The following FSTL4 variants were observed in gnomAD, a reference collection of about 807,000 sequenced individuals.
FSTL4 encodes the protein follistatin-related protein 4.
In FSTL4, 28 loss-of-function variants were observed where a neutral mutation model predicts 78.2. The ratio of observed to expected loss-of-function variants is 0.36; its 90% CI spans 0.27 to 0.49. The LOEUF (loss-of-function observed/expected upper bound fraction) is 0.49. FSTL4 is among the 20% of genes least tolerant of loss of function. The probability of loss-of-function intolerance (pLI) is 0.98; values close to 1 mark genes in which losing one functional copy is unlikely to be tolerated. For synonymous variants in FSTL4, 422 were observed against 440.5 expected (o/e 0.96, Z 0.53); for missense variants, 922 against 1,084.9 (o/e 0.85, Z 2.11).
chr5:133,237,095 T>G (rs1751684930), intron 7 of FSTL4, among the ~76,000 whole-genome samples: 1 of 152,148 alleles, frequency 6.6e-6, no homozygotes, highest in Non-Finnish European at 1.5e-5. Context: ...TGCCTTCCTG[T>G]CCACTCAAAT....
intron 3 of FSTL4, among the ~76,000 whole-genome samples, chr5:133,500,451 C>A (rs1171412223): frequency 6.6e-6 from 1 of 152,156 alleles, no homozygotes; most frequent in African/African-American, 2.4e-5. Context: ...GCCTCATCAT[C>A]CTTTCTTCAC....
At chr5:133,529,324 T>A (rs529268021) in intron 3 of FSTL4, among the ~76,000 whole-genome samples, 2 of 152,320 alleles carry the variant, frequency 1.3e-5, no homozygotes, top group East Asian at 3.9e-4. Context: ...AATCCTCACA[T>A]GACTCTGTGG....
chr5:133,752,767 A>AG, the FSTL4 span, among the ~76,000 whole-genome samples: 1 of 152,148 alleles, frequency 6.6e-6, no homozygotes, highest in African/African-American at 2.4e-5. Context: ...CATAGGGGGC[A>AG]GGGGGGTCAA....
the FSTL4 span, among the ~76,000 whole-genome samples, chr5:133,790,836 C>T: frequency 5.9e-5 from 9 of 152,220 alleles, no homozygotes; most frequent in Non-Finnish European, 5.9e-5. Context: ...CCACGGCATT[C>T]GTCTAGCCCT....
chr5:133,796,620 G>A, the FSTL4 span, among the ~76,000 whole-genome samples: 1 of 151,978 alleles, frequency 6.6e-6, no homozygotes, highest in Non-Finnish European at 1.5e-5. Flanking sequence ...TCCCCTTGGC[G>A]TTCAGACATT....
the FSTL4 span, among the ~76,000 whole-genome samples, chr5:133,661,826 G>A: frequency 6.6e-6 from 1 of 152,140 alleles, no homozygotes; most frequent in Non-Finnish European, 1.5e-5. Context: ...ACAAACTTCT[G>A]TGTTGTCCTT....
At chr5:133,399,958 C>A (rs1756176392) in intron 4 of FSTL4, among the ~76,000 whole-genome samples, 1 of 152,208 alleles carries the variant, frequency 6.6e-6, no homozygotes, top group Non-Finnish European at 1.5e-5. Flanking sequence ...TTACCAGGGC[C>A]ACATCAATCA....
chr5:133,817,493 G>T, the FSTL4 span, among the ~76,000 whole-genome samples: 1 of 152,224 alleles, frequency 6.6e-6, no homozygotes, highest in African/African-American at 2.4e-5. Context: ...CTCCCCAAGG[G>T]CTGGGAGTCA....
At chr5:133,609,320 G>T (rs1267849614) in intron 1 of FSTL4, among the ~76,000 whole-genome samples, 1 of 152,062 alleles carries the variant, frequency 6.6e-6, no homozygotes, top group Non-Finnish European at 1.5e-5. Context: ...TGGCATGTTG[G>T]CAATCAACAT....
At chr5:133,449,564 G>C (rs902073339) in intron 3 of FSTL4, among the ~76,000 whole-genome samples, 1 of 152,178 alleles carries the variant, frequency 6.6e-6, no homozygotes, top group Non-Finnish European at 1.5e-5. Flanking sequence ...TCTCCATGTG[G>C]GGAAAACCTG....
chr5:133,640,580 A>G, the FSTL4 span, among the ~76,000 whole-genome samples: 1 of 152,106 alleles, frequency 6.6e-6, no homozygotes, highest in Non-Finnish European at 1.5e-5. Context: ...GAAATACCAA[A>G]TGTGGAGTGC....
intron 3 of FSTL4, among the ~76,000 whole-genome samples, chr5:133,478,331 T>G (rs1757961384): frequency 6.6e-6 from 1 of 152,244 alleles, no homozygotes; most frequent in Non-Finnish European, 1.5e-5. Flanking sequence ...ATATCTTGAC[T>G]GCTCATCTGA....
At chr5:133,441,090 C>T (rs1213464250) in intron 3 of FSTL4, among the ~76,000 whole-genome samples, 4 of 152,074 alleles carry the variant, frequency 2.6e-5, no homozygotes, top group African/African-American at 7.2e-5. Flanking sequence ...CTAGGAAGCA[C>T]TGGTAGGGAG....
At chr5:133,824,171 A>C in the FSTL4 span, among the ~76,000 whole-genome samples, 1 of 152,182 alleles carries the variant, frequency 6.6e-6, no homozygotes, top group Non-Finnish European at 1.5e-5. Context: ...TTCAGTTCTG[A>C]CACTGTCTAC....
chr5:133,304,452 T>C (rs1271023217), intron 6 of FSTL4, among the ~76,000 whole-genome samples: 1 of 152,076 alleles, frequency 6.6e-6, no homozygotes, highest in Non-Finnish European at 1.5e-5. Context: ...CGTTCCTGCC[T>C]CTCCCTCCAA....
chr5:133,754,809 A>T, the FSTL4 span, among the ~76,000 whole-genome samples: 1 of 151,980 alleles, frequency 6.6e-6, no homozygotes, highest in African/African-American at 2.4e-5. Flanking sequence ...TTCTGCTCTA[A>T]CTCTAGAGCC....
intron 6 of FSTL4, among the ~76,000 whole-genome samples, chr5:133,303,422 T>C (rs1753591924): frequency 6.6e-6 from 1 of 152,246 alleles, no homozygotes. Flanking sequence ...AGGTGTCCAA[T>C]GCCTCTCTCT....
At chr5:133,822,581 G>A in the FSTL4 span, among the ~76,000 whole-genome samples, 4 of 152,138 alleles carry the variant, frequency 2.6e-5, no homozygotes, top group South Asian at 2.1e-4. Context: ...GGGTGGAGCC[G>A]TGGGAAATCA....
At chr5:133,465,366 C>T (rs979938748) in intron 3 of FSTL4, among the ~76,000 whole-genome samples, 2 of 152,206 alleles carry the variant, frequency 1.3e-5, no homozygotes, top group African/African-American at 2.4e-5. Flanking sequence ...TCCGTAAGAC[C>T]GTGCCACAGA....
Sources: allele counts gnomAD v4.1 joint callset (sites outside exome capture counted in the v4.1 genomes callset), GRCh38; gene constraint gnomAD v4.1.1; transcripts MANE v1.5; gene names NCBI Gene and HGNC (gene_info 2026-07-23, HGNC 2026-07-21).